GRM8: variants seen among roughly 807,000 people sequenced by gnomAD.
The protein encoded by GRM8 is glutamate metabotropic receptor 8, also known as metabotropic glutamate receptor 8.
Under a neutral mutation model 87.2 loss-of-function variants are expected in GRM8, and 47 were observed. That is an observed-to-expected ratio of 0.54 (90% CI 0.43 to 0.69). The LOEUF is 0.69. Ranked by LOEUF, GRM8 falls within the 30% of genes least tolerant of loss-of-function variation. GRM8 has a pLI of 0.00. For synonymous variants in GRM8, 396 were observed against 404.5 expected, an observed-to-expected ratio of 0.98 and a Z score of 0.25; for missense variants, 1,019 against 1,139.2, an observed-to-expected ratio of 0.89 and a Z score of 1.52.
chr7:126,872,631 T>C (rs1456417754), intron 6 of GRM8, among the ~76,000 whole-genome samples: 1 of 152,174 alleles, frequency 6.6e-6, no homozygotes, highest in Non-Finnish European at 1.5e-5. Context: ...TGCATTATTC[T>C]TTTCAGTAGA....
At chr7:126,823,971 T>A (rs911116886) in intron 6 of GRM8, among the ~76,000 whole-genome samples, 2 of 152,190 alleles carry the variant, frequency 1.3e-5, no homozygotes, top group Non-Finnish European at 2.9e-5. Context: ...TGTGTGTGTG[T>A]CAAAGCAGAG....
At chr7:126,983,145 C>T (rs546309604) in intron 3 of GRM8, among the ~76,000 whole-genome samples, 1 of 152,196 alleles carries the variant, frequency 6.6e-6, no homozygotes, top group East Asian at 1.9e-4. Flanking sequence ...TCAAAGGAAT[C>T]ATTGTTGTGT....
At chr7:126,579,223 C>G (rs760698840) in intron 8 of GRM8, among the ~76,000 whole-genome samples, 9 of 152,146 alleles carry the variant, frequency 5.9e-5, no homozygotes, top group Non-Finnish European at 1.0e-4. Context: ...CAAAAATTCT[C>G]TAACAGGAAA....
intron 7 of GRM8, among the ~76,000 whole-genome samples, chr7:126,736,651 C>T (rs1381191387): frequency 6.6e-6 from 1 of 152,028 alleles, no homozygotes; most frequent in Non-Finnish European, 1.5e-5. Flanking sequence ...GATGCCAAGA[C>T]AGCTTAATAG....
intron 3 of GRM8, among the ~76,000 whole-genome samples, chr7:126,940,234 T>C (rs746482091): frequency 1.3e-4 from 20 of 152,266 alleles, no homozygotes; most frequent in Admixed American, 7.2e-4. Context: ...TAGCATGGCT[T>C]ATTTAATCCA....
chr7:127,210,402 T>C lies in GRM8; in HGVS notation c.510+32293A>G, dbSNP rs150470155. Among the ~76,000 whole-genome samples, 218 of 152,280 alleles carry C rather than the reference T, an allele frequency of 1.4e-3. 1 individual carries two copies. The highest frequency in any genetic ancestry group is 5.1e-3 in the African/African-American group (210 of 41,560). The stretch of plus-strand genomic sequence containing the variant: ...ATTGGCTAAAAAGGTTTTGGCTCAG[T>C]ACAAAGAAGAATGTTCCACGCCTGT... On this transcript the variant is annotated intron_variant, in intron 2 of 10. Transcript: ENST00000339582.
chr7:126,691,046 C>T (rs1243693994), intron 7 of GRM8, among the ~76,000 whole-genome samples: 1 of 152,186 alleles, frequency 6.6e-6, no homozygotes, highest in South Asian at 2.1e-4. Context: ...GGGAACTGCC[C>T]CTTTCCACCC....
intron 3 of GRM8, among the ~76,000 whole-genome samples, chr7:126,967,954 T>A (rs1357298923): frequency 1.3e-5 from 2 of 152,220 alleles, no homozygotes; most frequent in African/African-American, 4.8e-5. Flanking sequence ...TATTGAGCAC[T>A]AATAATAAAT....
At chr7:127,213,990 A>C (rs1796370262) in intron 2 of GRM8, among the ~76,000 whole-genome samples, 2 of 152,244 alleles carry the variant, frequency 1.3e-5, no homozygotes, top group African/African-American at 2.4e-5. Context: ...TATTCACACA[A>C]TAGAATACTA....
At chr7:126,613,349 TCAAG>T (rs1799109350) in intron 7 of GRM8, among the ~76,000 whole-genome samples, 1 of 152,188 alleles carries the variant, frequency 6.6e-6, no homozygotes. Context: ...CATTAATTTA[TCAAG>T]GTTTAATAAC....
At chr7:127,062,067 C>G (rs1820643960) in intron 3 of GRM8, among the ~76,000 whole-genome samples, 2 of 151,628 alleles carry the variant, frequency 1.3e-5, no homozygotes, top group South Asian at 4.2e-4. Context: ...TTGCTTGAAC[C>G]CAGGAGGCAG....
chr7:127,179,214 G>A (rs1794294223), intron 2 of GRM8, among the ~76,000 whole-genome samples: 1 of 152,110 alleles, frequency 6.6e-6, no homozygotes, highest in African/African-American at 2.4e-5. Context: ...TCTTATATCA[G>A]ACAAAACAAA....
At chr7:126,513,481 A>G (rs370436824) in intron 9 of GRM8, among the ~76,000 whole-genome samples, 1 of 152,278 alleles carries the variant, frequency 6.6e-6, no homozygotes, top group East Asian at 1.9e-4. Flanking sequence ...CTTCTTAGGA[A>G]GTTCAGTGGG....
intron 3 of GRM8, among the ~76,000 whole-genome samples, chr7:127,011,027 T>G (rs1232266462): frequency 6.6e-6 from 1 of 152,152 alleles, no homozygotes; most frequent in Non-Finnish European, 1.5e-5. Context: ...ATTATTGTCC[T>G]TGAGTTTTAC....
chr7:127,062,767 C>T (rs543554153), intron 3 of GRM8, among the ~76,000 whole-genome samples: 3 of 152,146 alleles, frequency 2.0e-5, no homozygotes, highest in Non-Finnish European at 2.9e-5. Context: ...GAAATTTATC[C>T]ACTGCTTCTA....
intron 3 of GRM8, among the ~76,000 whole-genome samples, chr7:127,023,456 G>A (rs1309826250): frequency 2.6e-5 from 4 of 151,946 alleles, no homozygotes; most frequent in East Asian, 1.9e-4. Flanking sequence ...ATGCAAAAGG[G>A]ACAGACACTG....
chr7:127,109,603 G>C (rs983308504), intron 2 of GRM8, among the ~76,000 whole-genome samples: 4 of 152,064 alleles, frequency 2.6e-5, no homozygotes, highest in Non-Finnish European at 5.9e-5. Flanking sequence ...ACTCCATCAG[G>C]CAGAGCTGTC....
chr7:127,055,222 C>T (rs954269439), intron 3 of GRM8, among the ~76,000 whole-genome samples: 3 of 101,404 alleles, frequency 3.0e-5, no homozygotes, highest in Admixed American at 1.8e-4. Context: ...TGATGTTTTT[C>T]GTCTACAGAA....
At chr7:126,812,285 T>C (rs1308178499) in intron 6 of GRM8, among the ~76,000 whole-genome samples, 1 of 152,004 alleles carries the variant, frequency 6.6e-6, no homozygotes, top group African/African-American at 2.4e-5. Flanking sequence ...TTATGAGAAA[T>C]GCATTGTTAG....
Sources: gnomAD v4.1 joint callset for allele counts (sites outside exome capture counted in the v4.1 genomes callset) on GRCh38, gnomAD v4.1.1 for gene constraint, MANE v1.5 for transcripts, NCBI Gene and HGNC (gene_info 2026-07-23, HGNC 2026-07-21) for gene names.